Variants in RAD54L2 observed in about 807,000 individuals in gnomAD.
The protein encoded by RAD54L2 is RAD54 like 2.
A neutral mutation model predicts 138.4 loss-of-function variants in RAD54L2; 27 were observed. That is an observed-to-expected ratio of 0.20 (90% CI 0.14 to 0.27). The LOEUF (loss-of-function observed/expected upper bound fraction) is 0.27. RAD54L2 is among the 10% of genes least tolerant of loss of function. RAD54L2 has a pLI of 1.00. For synonymous variants in RAD54L2, 644 were observed against 723.2 expected, an observed-to-expected ratio of 0.89 and a Z score of 1.76; for missense variants, 1,396 against 1,890.2, an observed-to-expected ratio of 0.74 and a Z score of 4.85.
intron 2 of RAD54L2, among the ~76,000 whole-genome samples, chr3:51,548,431 G>A (rs1460042016): frequency 1.3e-5 from 2 of 152,072 alleles, no homozygotes; most frequent in African/African-American, 2.4e-5. Flanking sequence ...CAGGTGATCC[G>A]CCTGCCTTCG....
chr3:51,662,810 A>G lies in RAD54L2; in HGVS notation c.3794A>G (p.Gln1265Arg). The stretch of plus-strand genomic sequence containing the variant: ...AAGTTGGCCACACCACCTGCTGCCC[A>G]GGAGTCATCCCGCCGGCGGTCCAGG... The part of the protein sequence containing the change: ...KRKLATPPAA[Q>R]ESSRRRSRKG... The change falls in exon 23 of 23, where the codon CAG (glutamine) becomes CGG (arginine). Residue 1265 changes from glutamine (Q) to arginine (R), a missense_variant. Around this residue, in one of 7 missense-constraint regions of RAD54L2, gnomAD observed 634 missense variants for 711.2 expected, o/e 0.89. Transcript: ENST00000684192. This position sits in a 1 kb window ranked among gnomAD's most constrained non-coding sequence, Gnocchi z 4.6. 1.2e-6 allele frequency: 2 copies of G among 1,611,584 alleles called. No individual in the cohort carries two copies. The highest frequency in any genetic ancestry group is 1.7e-6 in the Non-Finnish European group (2 of 1,178,944).
chr3:51,555,719 C>T (rs1489546093), intron 2 of RAD54L2, among the ~76,000 whole-genome samples: 2 of 152,168 alleles, frequency 1.3e-5, no homozygotes, highest in South Asian at 2.1e-4. Context: ...GGGCCATGGT[C>T]GTTCATTTTT....
At position 51,639,603 on chromosome 3, in the gene RAD54L2, A is replaced by G. The variant is rs1382290824; in HGVS notation, c.2045A>G (p.Lys682Arg). The G allele has an allele frequency of 1.2e-6, 2 of 1,613,956 alleles. No homozygotes were observed. The highest frequency in any genetic ancestry group is 1.7e-6 in the Non-Finnish European group (2 of 1,179,862). Residue 682 changes from lysine to arginine, a missense_variant, in exon 13 of 23, where the codon AAG becomes AGG. By Grantham distance (26) the Lys-to-Arg change is conservative. This residue lies in a region of RAD54L2 where 211 missense variants were observed against 273.8 expected (regional missense o/e 0.77). Coordinates refer to ENST00000684192, the MANE Select transcript of RAD54L2 (RefSeq NM_015106.4). Reference sequence around the variant, plus strand: ...TCGATGGGAGAGGCAACCAATAGCAAGTTCCTACAGGGCGTTGGCTTCAAC... The same window carrying G: ...TCGATGGGAGAGGCAACCAATAGCAGGTTCCTACAGGGCGTTGGCTTCAAC... ...ASSMGEATNS[K>R]FLQGVGFNPF...
intron 9 of RAD54L2, among the ~76,000 whole-genome samples, chr3:51,634,332 G>A (rs1306505635): frequency 6.8e-6 from 1 of 147,288 alleles, no homozygotes; most frequent in African/African-American, 2.5e-5. Flanking sequence ...AATTCAACAC[G>A]AAACAATGGA....
At chr3:51,600,318 A>G (rs888116577) in intron 3 of RAD54L2, among the ~76,000 whole-genome samples, 2 of 152,176 alleles carry the variant, frequency 1.3e-5, no homozygotes, top group African/African-American at 4.8e-5. Context: ...GTACTGTAAA[A>G]AAGAAAAATC....
chr3:51,631,383 T>A (rs1403892738), intron 7 of RAD54L2, among the ~76,000 whole-genome samples: 3 of 151,358 alleles, frequency 2.0e-5, no homozygotes, highest in African/African-American at 7.3e-5. Context: ...AGAAGTACCA[T>A]GAAGACAGAC....
intron 15 of RAD54L2, among the ~76,000 whole-genome samples, chr3:51,643,031 CTT>C (rs1212581275): frequency 1.2e-3 from 139 of 113,182 alleles, no homozygotes; most frequent in African/African-American, 4.4e-3. Flanking sequence ...TAACTGAAGT[CTT>C]TTTTTTTTTT....
At chr3:51,566,670 T>C (rs1235260560) in intron 2 of RAD54L2, among the ~76,000 whole-genome samples, 1 of 151,762 alleles carries the variant, frequency 6.6e-6, no homozygotes, top group Admixed American at 6.6e-5. Context: ...TGTTGGCTCT[T>C]TCTTCTGTTT....
rs1386191254 is a variant in RAD54L2 at position 51,637,533 on chromosome 3, A to G, written c.1682+30A>G. On this transcript the variant is annotated intron_variant, in intron 11 of 22. Coordinates refer to ENST00000684192, the MANE Select transcript of RAD54L2 (RefSeq NM_015106.4). This position sits in a 1 kb window ranked among gnomAD's most constrained non-coding sequence, Gnocchi z 5.9. The stretch of plus-strand genomic sequence containing the variant: ...GCCATCCTCAGGGTCCTGCTTCCTG[A>G]ATTTTCAGAGGGCCCTGTTGCCAAG... 1.3e-6 allele frequency: 2 copies of G among 1,579,844 alleles called. No individual in the cohort carries two copies. Among genetic ancestry groups the G allele is most frequent in the Middle Eastern group, 1.7e-4 (1 of 5,980 alleles).
chr3:51,653,464 A>G (rs1701504654), intron 19 of RAD54L2, among the ~76,000 whole-genome samples: 1 of 152,232 alleles, frequency 6.6e-6, no homozygotes, highest in African/African-American at 2.4e-5. Context: ...TCATGCTACT[A>G]TAAAGACACA....
intron 1 of RAD54L2, chr3:51,541,386 A>G (rs1216415893): frequency 5.9e-5 from 9 of 152,188 alleles, no homozygotes; most frequent in Non-Finnish European, 1.0e-4. Context: ...TTTTTGCACT[A>G]TTTTATACAC....
intron 2 of RAD54L2, among the ~76,000 whole-genome samples, chr3:51,563,607 T>G (rs991053245): frequency 6.6e-6 from 1 of 152,222 alleles, no homozygotes; most frequent in African/African-American, 2.4e-5. Context: ...CCCGGTGTGT[T>G]CATCAAAGAT....
At chr3:51,576,934 G>A (rs1203008552) in intron 2 of RAD54L2, among the ~76,000 whole-genome samples, 1 of 152,064 alleles carries the variant, frequency 6.6e-6, no homozygotes, top group Non-Finnish European at 1.5e-5. Flanking sequence ...TAATTGTGAT[G>A]TTAGGGTGTC....
intron 3 of RAD54L2, among the ~76,000 whole-genome samples, chr3:51,620,932 C>G (rs1304915533): frequency 6.6e-6 from 1 of 151,266 alleles, no homozygotes; most frequent in East Asian, 1.9e-4. Context: ...GGGTTATAGT[C>G]TAGAATCTGG....
At chr3:51,579,641 A>G (rs894856779) in intron 2 of RAD54L2, among the ~76,000 whole-genome samples, 1 of 152,212 alleles carries the variant, frequency 6.6e-6, no homozygotes, top group African/African-American at 2.4e-5. Context: ...GAACCCCGGT[A>G]CCATTTAATT....
Position 51,646,369 on chromosome 3 carries a change from T to C in RAD54L2, c.2914T>C (p.Tyr972His). Residue 972 changes from tyrosine (Y) to histidine (H), a missense_variant, in exon 19 of 23, where the codon TAT (tyrosine) becomes CAT (histidine). By Grantham distance (83) the Tyr-to-His change is moderately conservative. Coordinates refer to ENST00000684192, the MANE Select transcript of RAD54L2 (RefSeq NM_015106.4). ...TGAGAAAAAAGCAGCAAAGAAAAGCTATGAGGAAGACAAACGCACATCAGT... is the reference window on the plus strand; with the variant it reads ...TGAGAAAAAAGCAGCAAAGAAAAGCCATGAGGAAGACAAACGCACATCAGT... ...KAEKKAAKKS[Y>H]EEDKRTSVPY... 6.2e-7 allele frequency: 1 copy of C among 1,613,360 alleles called. No individual in the cohort carries two copies. The highest frequency in any genetic ancestry group is 8.5e-7 in the Non-Finnish European group (1 of 1,179,710).
chr3:51,647,051 AT>A (rs1009818003), intron 19 of RAD54L2, among the ~76,000 whole-genome samples: 65 of 147,966 alleles, frequency 4.4e-4, no homozygotes, highest in East Asian at 7.8e-4. Flanking sequence ...TCTAGGTTTA[AT>A]TTTTTTTTTT....
chr3:51,591,526 T>C (rs911276623), intron 3 of RAD54L2, among the ~76,000 whole-genome samples: 1 of 152,198 alleles, frequency 6.6e-6, no homozygotes, highest in South Asian at 2.1e-4. Flanking sequence ...ACAGCTGTCA[T>C]GTGGCTTGGG....
chr3:51,646,355 CA>C lies in RAD54L2; in HGVS notation c.2901del (p.Ala968GlnfsTer31), dbSNP rs1701278902. ...DHKLTKAEKK[A>X]AKKSYEEDKR... ...AAGCTAACCAAGGCTGAGAAAAAAG[CA>C]GCAAAGAAAAGCTATGAGGAAGACA... On this transcript the variant is annotated frameshift_variant, in exon 19 of 23. Coordinates refer to ENST00000684192, the MANE Select transcript of RAD54L2 (RefSeq NM_015106.4). LOFTEE classifies it high-confidence loss of function. 6.2e-7 allele frequency: 1 copy of C among 1,611,886 alleles called. No homozygotes were observed.
Sources: gnomAD v4.1 joint callset for allele counts (sites outside exome capture counted in the v4.1 genomes callset) on GRCh38, gnomAD v4.1.1 for gene constraint, gnomAD v4.1.1 regional missense constraint, Gnocchi (gnomAD v3.1) non-coding constraint, MANE v1.5 for transcripts, NCBI Gene and HGNC (gene_info 2026-07-23, HGNC 2026-07-21) for gene names.